ASPRV1: variants seen among roughly 807,000 people sequenced by gnomAD.
ASPRV1 encodes retroviral-like aspartic protease 1.
Under a neutral mutation model 11.0 loss-of-function variants are expected in ASPRV1, and 7 were observed. The ratio of observed to expected loss-of-function variants is 0.64; its 90% CI spans 0.36 to 1.20. ASPRV1 has a LOEUF of 1.20. Ranked by LOEUF, ASPRV1 falls within the 50% of genes most tolerant of loss-of-function variation. The pLI, the probability that ASPRV1 is intolerant of heterozygous loss-of-function variation, is 0.02. For synonymous variants in ASPRV1, 136 were observed against 138.4 expected (o/e 0.98, Z 0.12); for missense variants, 299 against 320.0 (o/e 0.93, Z 0.50).
chr2:70,070,093 C>T, the ASPRV1 span, among the ~76,000 whole-genome samples: 243 of 147,696 alleles, frequency 1.6e-3, no homozygotes, highest in African/African-American at 3.2e-3. Context: ...GCAGAAGAAT[C>T]GCTTGAACCC....
the ASPRV1 span, among the ~76,000 whole-genome samples, chr2:70,044,984 T>A: frequency 6.6e-6 from 1 of 152,216 alleles, no homozygotes; most frequent in Admixed American, 6.5e-5. Context: ...TATGCTGTGA[T>A]GAAGAACAAA....
At chr2:69,942,432 T>TGCTAGATTCA in the ASPRV1 span, 8 of 152,234 alleles carry the variant, frequency 5.3e-5, no homozygotes, top group South Asian at 6.2e-4. Context: ...TGACAGGCAC[T>TGCTAGATTCA]GCTAGATTCA....
the ASPRV1 span, among the ~76,000 whole-genome samples, chr2:70,040,950 T>G: frequency 6.6e-6 from 1 of 152,220 alleles, no homozygotes; most frequent in Non-Finnish European, 1.5e-5. Context: ...TCCCACTTCC[T>G]ATAAGCGAGC....
chr2:69,971,309 T>C, the ASPRV1 span: 1 of 152,184 alleles, frequency 6.6e-6, no homozygotes, highest in South Asian at 2.1e-4. Flanking sequence ...TATTTTCTAT[T>C]TGGGGCCACT....
chr2:70,037,891 A>AT, the ASPRV1 span, among the ~76,000 whole-genome samples: 1 of 152,118 alleles, frequency 6.6e-6, no homozygotes, highest in Admixed American at 6.5e-5. Flanking sequence ...GGTGACAGAA[A>AT]TTTTTTTTCT....
At chr2:69,991,421 TA>T in the ASPRV1 span, among the ~76,000 whole-genome samples, 11 of 152,148 alleles carry the variant, frequency 7.2e-5, no homozygotes, top group Non-Finnish European at 1.5e-4. Context: ...TTTTCCCTTG[TA>T]AAATGTCTTC....
chr2:70,061,879 C>A, the ASPRV1 span, among the ~76,000 whole-genome samples: 1 of 151,690 alleles, frequency 6.6e-6, no homozygotes. Flanking sequence ...AGGAGAATCT[C>A]TTGAACCTGG....
the ASPRV1 span, among the ~76,000 whole-genome samples, chr2:70,043,097 A>T: frequency 6.6e-6 from 1 of 152,252 alleles, no homozygotes; most frequent in East Asian, 1.9e-4. Context: ...AACACTGGTG[A>T]ATGAAAGATG....
chr2:70,054,927 A>G, the ASPRV1 span, among the ~76,000 whole-genome samples: 4 of 152,208 alleles, frequency 2.6e-5, no homozygotes, highest in African/African-American at 9.6e-5. Flanking sequence ...TCCATCATAC[A>G]TACATACATA....
chr2:69,957,745 C>T (rs1231934852), downstream of ASPRV1, among the ~76,000 whole-genome samples: 3 of 151,908 alleles, frequency 2.0e-5, no homozygotes, highest in African/African-American at 7.3e-5. Context: ...GGGGTAGATG[C>T]CACTGGAATT....
In ASPRV1 at chr2:69,960,388, T is replaced by G; in HGVS notation, c.*269A>C. The G allele has an allele frequency of 3.6e-5, 15 of 420,622 alleles. No homozygotes were observed. The highest frequency in any genetic ancestry group is 1.1e-4 in the East Asian group (3 of 26,658). The allele number at this position is 420,622 out of a possible 1,614,324, so 26.1% of individuals were successfully genotyped here. A position where few individuals can be genotyped will look rare whatever the true frequency, so the allele number is the denominator to read the frequency against. On this transcript the variant is annotated 3_prime_UTR_variant, in exon 1 of 1. Coordinates refer to ENST00000320256, the MANE Select transcript of ASPRV1 (RefSeq NM_152792.4). Reference sequence around the variant, plus strand: ...GCTTCCTTGGGAGCTCTTCCAGCCTTTGAGTCTTTGTCATCAACAGCAGCT... The same window carrying G: ...GCTTCCTTGGGAGCTCTTCCAGCCTGTGAGTCTTTGTCATCAACAGCAGCT...
chr2:69,966,329 G>A (rs2104305055), upstream of ASPRV1, among the ~76,000 whole-genome samples: 3 of 152,388 alleles, frequency 2.0e-5, 1 homozygote, highest in Admixed American at 2.0e-4. Context: ...TTGGGTTTCT[G>A]CCTTTTTCCC....
the ASPRV1 span, chr2:69,937,321 G>A: frequency 1.2e-6 from 2 of 1,614,216 alleles, no homozygotes; most frequent in East Asian, 2.2e-5. Context: ...AGCTGGAGAA[G>A]CTGGGCATTG....
the ASPRV1 span, among the ~76,000 whole-genome samples, chr2:70,086,826 C>T: frequency 6.6e-5 from 10 of 152,374 alleles, no homozygotes; most frequent in Middle Eastern, 0.017. Context: ...GCCCCACAAA[C>T]AGCAGAGCCG....
chr2:70,072,683 C>T, the ASPRV1 span, among the ~76,000 whole-genome samples: 1 of 152,024 alleles, frequency 6.6e-6, no homozygotes, highest in African/African-American at 2.4e-5. Flanking sequence ...TATTGTGCCA[C>T]TGCACTCTGT....
the ASPRV1 span, chr2:69,938,081 C>G: frequency 6.2e-7 from 1 of 1,612,192 alleles, no homozygotes; most frequent in Admixed American, 1.7e-5. Context: ...GTCCTTCTCT[C>G]TTGTCCTCCC....
chr2:70,055,033 T>G, the ASPRV1 span, among the ~76,000 whole-genome samples: 1 of 152,172 alleles, frequency 6.6e-6, no homozygotes, highest in South Asian at 2.1e-4. Flanking sequence ...ACAGGCGAGG[T>G]GGCTCACGCC....
At chr2:69,983,451 G>A in the ASPRV1 span, among the ~76,000 whole-genome samples, 2 of 152,180 alleles carry the variant, frequency 1.3e-5, no homozygotes, top group Non-Finnish European at 2.9e-5. Context: ...TGAGGATTTG[G>A]CCTGGGACTC....
At chr2:70,082,667 G>A in the ASPRV1 span, among the ~76,000 whole-genome samples, 292 of 152,286 alleles carry the variant, frequency 1.9e-3, no homozygotes, top group Non-Finnish European at 3.3e-3. Flanking sequence ...CCAGGATCGC[G>A]CCACTGCACT....
Sources: allele counts gnomAD v4.1 joint callset (sites outside exome capture counted in the v4.1 genomes callset), GRCh38; gene constraint gnomAD v4.1.1; transcripts MANE v1.5; gene names NCBI Gene and HGNC (gene_info 2026-07-23, HGNC 2026-07-21).